Variants in TSEN2 observed in about 807,000 individuals in gnomAD.
TSEN2 encodes tRNA-splicing endonuclease subunit Sen2.
Under a neutral mutation model 59.2 loss-of-function variants are expected in TSEN2, and 54 were observed. The ratio of observed to expected loss-of-function variants is 0.91; its 90% CI spans 0.73 to 1.14. TSEN2 has a LOEUF of 1.14. Ranked by LOEUF, TSEN2 falls within the 50% of genes most tolerant of loss-of-function variation. The pLI is 0.00. For synonymous variants in TSEN2, 195 were observed against 198.2 expected (o/e 0.98, Z 0.14); for missense variants, 636 against 576.2 (o/e 1.10, Z -1.06).
At chr3:12,513,581 G>C (rs1559329775) in intron 6 of TSEN2, among the ~76,000 whole-genome samples, 1 of 152,142 alleles carries the variant, frequency 6.6e-6, no homozygotes, top group Non-Finnish European at 1.5e-5. Context: ...TACTTCCAAG[G>C]CCCTAGCTAA....
At chr3:12,516,906 G>T (rs2056182594) in intron 7 of TSEN2, among the ~76,000 whole-genome samples, 1 of 152,076 alleles carries the variant, frequency 6.6e-6, no homozygotes, top group African/African-American at 2.4e-5. Context: ...ATCTTGTACT[G>T]GATAATGATT....
chr3:12,504,615 T>C (rs1377392414), intron 5 of TSEN2, among the ~76,000 whole-genome samples: 1 of 151,960 alleles, frequency 6.6e-6, no homozygotes, highest in East Asian at 1.9e-4. Context: ...TAAAATAAAA[T>C]TCACCAACAA....
chr3:12,493,517 A>G (rs1485506819), intron 3 of TSEN2, among the ~76,000 whole-genome samples: 1 of 152,238 alleles, frequency 6.6e-6, no homozygotes, highest in Non-Finnish European at 1.5e-5. Context: ...TCATGAGGTC[A>G]GGAGTTCGAG....
In TSEN2 at chr3:12,488,157, C is replaced by G. The variant is rs553095969; in HGVS notation, c.-17-1627C>G. Among the ~76,000 whole-genome samples the G allele has an allele frequency of 9.2e-5, 14 of 152,336 alleles. No homozygotes were observed. In the South Asian group the frequency reaches 2.3e-3, roughly 25 times the overall value. Reference sequence around the variant, plus strand: ...TCATGACACTCTTAAAGCCACTCACCTTCCCCTCCCTCAGTTTTGGCCACC... The same window carrying G: ...TCATGACACTCTTAAAGCCACTCACGTTCCCCTCCCTCAGTTTTGGCCACC... On this transcript the variant is annotated intron_variant, in intron 1 of 11. Coordinates refer to ENST00000284995, the MANE Select transcript of TSEN2 (RefSeq NM_025265.4).
At chr3:12,514,828 A>T (rs1026081241) in intron 6 of TSEN2, 2 of 152,216 alleles carry the variant, frequency 1.3e-5, no homozygotes, top group African/African-American at 2.4e-5. Flanking sequence ...ACAACAACCC[A>T]TACCTTGACA....
chr3:12,501,084 G>A (rs1427813661), intron 4 of TSEN2, among the ~76,000 whole-genome samples: 1 of 152,196 alleles, frequency 6.6e-6, no homozygotes, highest in East Asian at 1.9e-4. Flanking sequence ...ATGTTGATAT[G>A]AAGAGCTAAG....
chr3:12,490,070 A>G (rs2053056462), intron 2 of TSEN2, 81 bp downstream of exon 2: 2 of 1,252,556 alleles, frequency 1.6e-6, no homozygotes, highest in Non-Finnish European at 1.2e-6. Flanking sequence ...TCCCAGCCAT[A>G]CCCCCACACC....
upstream of TSEN2, among the ~76,000 whole-genome samples, chr3:12,480,528 G>GTTTTTTTTT (rs752340308): frequency 2.3e-3 from 215 of 91,734 alleles, no homozygotes; most frequent in Non-Finnish European, 2.8e-3. Context: ...TTGTTTCTTT[G>GTTTTTTTTT]TTTTTTTTTT....
At chr3:12,495,395 A>C (rs573400251) in intron 3 of TSEN2, among the ~76,000 whole-genome samples, 16 of 152,008 alleles carry the variant, frequency 1.1e-4, no homozygotes, top group African/African-American at 3.6e-4. Context: ...GCAGCTAGCT[A>C]ATTTTTGTGT....
chr3:12,505,227 A>G lies in TSEN2; in HGVS notation c.905A>G (p.Glu302Gly). ...TTTGAGTATTTGCAACTCAGCCTAG[A>G]AGAGGTATGTTTTCAACATATTATT... ...RIFEYLQLSL[E>G]EAFFLVYALG... Residue 302 changes from glutamate (E) to glycine (G), a missense_variant, in exon 6 of 12, where the codon GAA becomes GGA. Physicochemically the swap from Glu to Gly is moderately conservative, Grantham distance 98 (BLOSUM62 -2). Coordinates refer to ENST00000284995, the MANE Select transcript of TSEN2 (RefSeq NM_025265.4). The G allele has an allele frequency of 6.2e-7, 1 of 1,601,754 alleles. No individual in the cohort carries two copies. The highest frequency in any genetic ancestry group is 8.6e-7 in the Non-Finnish European group (1 of 1,168,710).
chr3:12,535,279 T>TC (rs1414033391), downstream of TSEN2, among the ~76,000 whole-genome samples: 1 of 152,216 alleles, frequency 6.6e-6, no homozygotes, highest in Admixed American at 6.5e-5. Context: ...CCATGAATGT[T>TC]AACTCCCCTA....
At chr3:12,532,550 T>C (rs2057530034) in intron 11 of TSEN2, 112 bp from the exon 12 acceptor site, 1 of 969,094 alleles carries the variant, frequency 1.0e-6, no homozygotes, top group African/African-American at 1.6e-5. Context: ...GGGAACAGTA[T>C]CATCATTATA....
intron 6 of TSEN2, among the ~76,000 whole-genome samples, 169 bp from the exon 7 acceptor site, chr3:12,516,442 A>ATGTGTG (rs1491196550): frequency 0.025 from 2,214 of 89,138 alleles, 34 homozygotes; most frequent in Non-Finnish European, 0.037. Flanking sequence ...AACAAACAAA[A>ATGTGTG]TATATGTGTG....
At position 12,503,520 on chromosome 3, in the gene TSEN2, A is replaced by G. The variant is rs2054511809; in HGVS notation, c.567A>G (p.Pro189=). The change falls in exon 5 of 12, where the codon CCA becomes CCG. Residue 189 remains proline (P), a synonymous_variant. Coordinates refer to ENST00000284995, the MANE Select transcript of TSEN2 (RefSeq NM_025265.4). ...KSGGVGDPRE[P]LGCLQEGSGC... ...GTGGTGTGGGTGATCCCCGTGAGCC[A>G]TTAGGCTGCCTGCAGGAGGGCTCTG... The G allele has an allele frequency of 1.9e-6, 3 of 1,613,570 alleles. No individual in the cohort carries two copies. Among genetic ancestry groups the G allele is most frequent in the Non-Finnish European group, 2.5e-6 (3 of 1,179,576 alleles).
intron 8 of TSEN2, among the ~76,000 whole-genome samples, chr3:12,523,523 A>ATTCTTTTTTTTTTTTTT (rs2056819006): frequency 2.0e-5 from 1 of 51,026 alleles, no homozygotes; most frequent in Non-Finnish European, 4.3e-5. Context: ...TTCCTCTTTG[A>ATTCTTTTTTTTTTTTTT]TTCTTTTTTT....
Position 12,495,005 on chromosome 3 carries a change from A to T in TSEN2, c.272-1513A>T, listed in dbSNP as rs924407433. ...GCTGGGCATGGTGGCAGGCACTTGT[A>T]ATCCCAGCTACTTGGGAGGCTGAGG... On this transcript the variant is annotated intron_variant, in intron 3 of 11. Coordinates refer to ENST00000284995, the MANE Select transcript of TSEN2 (RefSeq NM_025265.4). 2.0e-5 allele frequency among the ~76,000 whole-genome samples: 3 copies of T among 150,900 alleles called. No homozygotes were observed. The South Asian group carries it at 6.3e-4, about 32-fold the overall frequency.
intron 8 of TSEN2, among the ~76,000 whole-genome samples, chr3:12,525,158 A>C (rs1216810891): frequency 6.6e-6 from 1 of 152,078 alleles, no homozygotes; most frequent in South Asian, 2.1e-4. Context: ...GTTCCTGATG[A>C]TCAGACTCAA....
chr3:12,486,073 A>C (rs1209241105), intron 1 of TSEN2, among the ~76,000 whole-genome samples: 3 of 152,218 alleles, frequency 2.0e-5, no homozygotes, highest in Non-Finnish European at 4.4e-5. Flanking sequence ...ATTTTATTTA[A>C]GGGACTTGAG....
chr3:12,531,362 C>T lies in TSEN2; in HGVS notation c.1249-208C>T. ...CAATGTATCTGCTTATATCTGTTGCCATGTTCAGTGATTACTAAACGGCAG... is the reference window on the plus strand; with the variant it reads ...CAATGTATCTGCTTATATCTGTTGCTATGTTCAGTGATTACTAAACGGCAG... On this transcript the variant is annotated intron_variant, in intron 10 of 11. Transcript: ENST00000284995. The T allele has an allele frequency of 5.2e-6, 3 of 575,772 alleles. No individual in the cohort carries two copies. The South Asian group carries it at 6.1e-5, about 12-fold the overall frequency. The allele number at this position is 575,772 out of a possible 1,614,324, so 35.7% of individuals were successfully genotyped here.
Sources: allele counts gnomAD v4.1 joint callset (sites outside exome capture counted in the v4.1 genomes callset), GRCh38; gene constraint gnomAD v4.1.1; transcripts MANE v1.5; gene names NCBI Gene and HGNC (gene_info 2026-07-23, HGNC 2026-07-21).